The following SLC17A8 variants were observed in gnomAD, a reference collection of about 807,000 sequenced individuals.
The protein encoded by SLC17A8 is solute carrier family 17 member 8.
SLC17A8 carries 31 observed loss-of-function variants against 58.0 expected under a neutral mutation model. That is an observed-to-expected ratio of 0.53 (90% CI 0.40 to 0.72). The LOEUF is 0.72. SLC17A8 is among the 30% of genes least tolerant of loss of function. The pLI is 0.00. For synonymous variants in SLC17A8, 228 were observed against 249.0 expected (o/e 0.92, Z 0.79); for missense variants, 655 against 727.8 (o/e 0.90, Z 1.15).
At chr12:100,415,146 T>C (rs1456583403) in intron 10 of SLC17A8, among the ~76,000 whole-genome samples, 1 of 152,184 alleles carries the variant, frequency 6.6e-6, no homozygotes, top group Non-Finnish European at 1.5e-5. Flanking sequence ...TCACATAAAC[T>C]GCTTTTTTGT....
chr12:100,408,819 A>G (rs1952844741), intron 9 of SLC17A8, among the ~76,000 whole-genome samples: 1 of 152,244 alleles, frequency 6.6e-6, no homozygotes, highest in Non-Finnish European at 1.5e-5. Context: ...GGCACTTCTA[A>G]GACACATATA....
At position 100,420,640 on chromosome 12, in the gene SLC17A8, A is replaced by T. The variant is rs1320077825; in HGVS notation, c.*481A>T. The T allele has an allele frequency of 6.1e-6, 1 of 162,622 alleles. No homozygotes were observed. The highest frequency in any genetic ancestry group is 1.7e-4 in the East Asian group (1 of 5,848). 10.1% of individuals were successfully genotyped at this position (162,622 alleles called of 1,614,324 possible). Reference sequence around the variant, plus strand: ...TAATCTCCACACCTTTATGACACACATTTCTTATCCCCATTTTACAACCAA... The same window carrying T: ...TAATCTCCACACCTTTATGACACACTTTTCTTATCCCCATTTTACAACCAA... On this transcript the variant is annotated 3_prime_UTR_variant, in exon 12 of 12. Coordinates refer to ENST00000323346, the MANE Select transcript of SLC17A8 (RefSeq NM_139319.3).
chr12:100,374,567 G>A (rs1453963205), intron 1 of SLC17A8, among the ~76,000 whole-genome samples: 1 of 152,128 alleles, frequency 6.6e-6, no homozygotes, highest in Non-Finnish European at 1.5e-5. Flanking sequence ...AGCCAAGATT[G>A]CGCCACTGCA....
At chr12:100,385,537 T>C (rs1952668394) in intron 2 of SLC17A8, among the ~76,000 whole-genome samples, 1 of 152,126 alleles carries the variant, frequency 6.6e-6, no homozygotes, top group African/African-American at 2.4e-5. Flanking sequence ...CACACCTGAC[T>C]GGCTTGGCTG....
chr12:100,405,405 G>T (rs1272384070), intron 9 of SLC17A8, among the ~76,000 whole-genome samples: 1 of 152,064 alleles, frequency 6.6e-6, no homozygotes, highest in Non-Finnish European at 1.5e-5. Context: ...TTGCAGGTGG[G>T]ATTAAATTGA....
intron 1 of SLC17A8, among the ~76,000 whole-genome samples, chr12:100,363,426 G>A (rs751838793): frequency 7.9e-5 from 12 of 152,196 alleles, no homozygotes; most frequent in African/African-American, 1.2e-4. Flanking sequence ...TGGATGCAGC[G>A]GCTTGATCTC....
In SLC17A8 at chr12:100,401,831, A is replaced by G. The variant is rs762212146; in HGVS notation, c.731A>G (p.Tyr244Cys). ...AMPLAGVLVQ[Y>C]IGWSSVFYIY... Reference sequence around the variant, plus strand: ...CCCCTGGCTGGGGTGTTGGTGCAGTACATTGGATGGTCCTCTGTCTTTTAT... The same window carrying G: ...CCCCTGGCTGGGGTGTTGGTGCAGTGCATTGGATGGTCCTCTGTCTTTTAT... The change falls in exon 6 of 12, where the codon TAC becomes TGC. Residue 244 changes from tyrosine (Y) to cysteine (C), a missense_variant. Physicochemically the swap from Tyr to Cys is radical, Grantham distance 194. Transcript: ENST00000323346. 1.9e-6 allele frequency: 3 copies of G among 1,614,032 alleles called. No individual in the cohort carries two copies. Among genetic ancestry groups the G allele is most frequent in the Non-Finnish European group, 2.5e-6 (3 of 1,179,916 alleles).
At chr12:100,397,516 C>T (rs1019244962) in intron 5 of SLC17A8, among the ~76,000 whole-genome samples, 6 of 152,206 alleles carry the variant, frequency 3.9e-5, no homozygotes, top group Admixed American at 3.3e-4. Context: ...CTCCAAGCTA[C>T]CCCTGTGGGA....
intron 1 of SLC17A8, among the ~76,000 whole-genome samples, chr12:100,379,499 G>A (rs1440022991): frequency 6.7e-6 from 1 of 150,280 alleles, no homozygotes; most frequent in African/African-American, 2.5e-5. Flanking sequence ...CAAATGACTT[G>A]TGTTTTATCC....
chr12:100,394,433 G>A (rs912844953), intron 4 of SLC17A8, among the ~76,000 whole-genome samples: 2 of 126,300 alleles, frequency 1.6e-5, no homozygotes, highest in African/African-American at 3.1e-5. Context: ...ATAGAGTCTC[G>A]CTCTGTAGCC....
intron 4 of SLC17A8, among the ~76,000 whole-genome samples, chr12:100,395,088 G>A (rs1355804793): frequency 6.6e-6 from 1 of 151,850 alleles, no homozygotes; most frequent in Admixed American, 6.6e-5. Context: ...ATCTTGAAAT[G>A]AGTGGATGGA....
chr12:100,410,487 T>A (rs1319439167), intron 9 of SLC17A8: 1 of 121,794 alleles, frequency 8.2e-6, no homozygotes, highest in Non-Finnish European at 1.8e-5. Flanking sequence ...AGAGCAGGAC[T>A]CCATCTCAAA....
rs10860588 is a variant in SLC17A8, at chr12:100,393,172, C to T, written c.474-197C>T. Among the ~76,000 whole-genome samples the T allele has an allele frequency of 0.1, 15,165 of 152,202 alleles. 1,014 individuals carry two copies. The highest frequency in any genetic ancestry group is 0.15 in the Non-Finnish European group (10,516 of 68,002). On this transcript the variant is annotated intron_variant, in intron 3 of 11. Coordinates refer to ENST00000323346, the MANE Select transcript of SLC17A8 (RefSeq NM_139319.3). ...TAGAGATGGGGTTCACCATGTTGGC[C>T]AGGCTGGTCTCAAACTCCTGACCTC...
chr12:100,406,622 G>A (rs1473550501), intron 9 of SLC17A8, among the ~76,000 whole-genome samples: 3 of 150,962 alleles, frequency 2.0e-5, no homozygotes, highest in African/African-American at 7.3e-5. Context: ...TGCAACCTCC[G>A]CCTCTTGGGT....
chr12:100,400,967 G>T (rs1952786562), intron 5 of SLC17A8, among the ~76,000 whole-genome samples: 1 of 148,338 alleles, frequency 6.7e-6, no homozygotes, highest in African/African-American at 2.5e-5. Context: ...CAGCCCTCTT[G>T]CCATCTGGAA....
At chr12:100,364,557 A>G (rs1184498940) in intron 1 of SLC17A8, among the ~76,000 whole-genome samples, 2 of 152,160 alleles carry the variant, frequency 1.3e-5, no homozygotes, top group African/African-American at 4.8e-5. Context: ...TGAGGACGGA[A>G]GCTAGCTGAC....
chr12:100,357,344 A>C lies in SLC17A8; in HGVS notation c.-48A>C. On this transcript the variant is annotated 5_prime_UTR_variant, in exon 1 of 12. Transcript: ENST00000323346. ...CACACTGGAAATGAGGAAGGATGAC[A>C]GTTTTTGAGACTGACTGTTAACGGC... 1 of 1,040,314 alleles carries C rather than the reference A, an allele frequency of 9.6e-7. No homozygotes were observed. The highest frequency in any genetic ancestry group is 1.5e-6 in the Non-Finnish European group (1 of 656,344). The allele number at this position is 1,040,314 out of a possible 1,614,324, so 64.4% of individuals were successfully genotyped here.
intron 2 of SLC17A8, among the ~76,000 whole-genome samples, chr12:100,386,808 C>A (rs1952678395): frequency 6.6e-6 from 1 of 151,926 alleles, no homozygotes; most frequent in African/African-American, 2.4e-5. Context: ...CCTGCCCCAG[C>A]CTCCTGAGTA....
chr12:100,359,234 A>G (rs959984204), intron 1 of SLC17A8, among the ~76,000 whole-genome samples: 1 of 152,230 alleles, frequency 6.6e-6, no homozygotes, highest in Non-Finnish European at 1.5e-5. Context: ...AATATTTGAT[A>G]TAAAAATACT....
Sources: allele counts gnomAD v4.1 joint callset (sites outside exome capture counted in the v4.1 genomes callset), GRCh38; gene constraint gnomAD v4.1.1; transcripts MANE v1.5; gene names NCBI Gene and HGNC (gene_info 2026-07-23, HGNC 2026-07-21).